The following MECOM variants were observed in gnomAD, a reference collection of about 807,000 sequenced individuals.
The protein encoded by MECOM is histone-lysine N-methyltransferase MECOM.
Under a neutral mutation model 116.3 loss-of-function variants are expected in MECOM, and 13 were observed. That is an observed-to-expected ratio of 0.11 (90% CI 0.07 to 0.18). The LOEUF (loss-of-function observed/expected upper bound fraction) is 0.18. Ranked by LOEUF, MECOM falls within the 10% of genes least tolerant of loss-of-function variation. MECOM has a pLI of 1.00. For missense variants in MECOM, 1,299 were observed against 1,509.0 expected (o/e 0.86, Z 2.31); for synonymous variants, 528 against 535.2 (o/e 0.99, Z 0.19).
At chr3:169,127,624 A>G (rs1733302754) in intron 5 of MECOM, among the ~76,000 whole-genome samples, 1 of 152,166 alleles carries the variant, frequency 6.6e-6, no homozygotes, top group African/African-American at 2.4e-5. Context: ...TAATAATATA[A>G]CATTATTTTT....
intron 1 of MECOM, among the ~76,000 whole-genome samples, chr3:169,447,018 A>AT (rs1210124414): frequency 6.6e-6 from 1 of 152,168 alleles, no homozygotes. Context: ...AGGTCTAAGA[A>AT]TTTTTTATGT....
rs140626112 is a variant in MECOM, at chr3:169,512,805, C to T, written c.38-131281G>A. Among the ~76,000 whole-genome samples, 979 of 152,042 alleles carry T rather than the reference C, an allele frequency of 6.4e-3. 13 individuals carry two copies. The highest frequency in any genetic ancestry group is 0.017 in the Middle Eastern group (5 of 292). ...CTCCACAGCATCCCAGCTCCCCCTT[C>T]CCACTTCTTCCTGCAGGGCCATCTC... is the stretch of plus-strand genomic sequence containing the variant. On this transcript the variant is annotated intron_variant, in intron 1 of 16. Coordinates refer to ENST00000651503, the MANE Select transcript of MECOM (RefSeq NM_004991.4).
rs1716985546 is a variant in MECOM at position 169,084,244 on chromosome 3, A to ATAGG, written c.*661_*664dup. 1 of 231,502 alleles carries ATAGG rather than the reference A, an allele frequency of 4.3e-6. No individual in the cohort carries two copies. Among genetic ancestry groups the ATAGG allele is most frequent in the East Asian group, 6.1e-5 (1 of 16,332 alleles). The allele number at this position is 231,502 out of a possible 1,614,324, so 14.3% of individuals were successfully genotyped here. The stretch of plus-strand genomic sequence containing the variant: ...AGTGGTACAGCGGTACTGGTGATGA[A>ATAGG]TAGGTTACTTCACTGACTTAACCTC... On this transcript the variant is annotated 3_prime_UTR_variant, in exon 17 of 17. Coordinates refer to ENST00000651503, the MANE Select transcript of MECOM (RefSeq NM_004991.4).
chr3:169,554,012 C>T (rs1391430707), intron 1 of MECOM, among the ~76,000 whole-genome samples: 1 of 152,096 alleles, frequency 6.6e-6, no homozygotes, highest in Non-Finnish European at 1.5e-5. Flanking sequence ...ACAATTCAGT[C>T]CTAACACTAC....
rs117792599 is a variant in MECOM, at chr3:169,242,265, C to T, written c.376-98433G>A. ...CTCCACAAATTCCTGACTCTCAATC[C>T]TGAGAGTCCTGTCACAGGACTGCCT... On this transcript the variant is annotated intron_variant, in intron 2 of 16. Coordinates refer to ENST00000651503, the MANE Select transcript of MECOM (RefSeq NM_004991.4). Among the ~76,000 whole-genome samples the T allele has an allele frequency of 8.1e-4, 124 of 152,246 alleles. 3 individuals carry two copies. The East Asian group carries it at 0.023, about 28-fold the overall frequency.
chr3:169,391,071 C>T (rs1222717625), intron 1 of MECOM, among the ~76,000 whole-genome samples: 1 of 152,086 alleles, frequency 6.6e-6, no homozygotes, highest in Non-Finnish European at 1.5e-5. Flanking sequence ...AGCCAGGAGT[C>T]TTACATAAAG....
intron 2 of MECOM, among the ~76,000 whole-genome samples, chr3:169,252,668 T>C (rs758396870): frequency 6.6e-5 from 10 of 152,092 alleles, no homozygotes; most frequent in Non-Finnish European, 1.5e-4. Context: ...ACACCAAACC[T>C]GTTAGAATAT....
intron 2 of MECOM, among the ~76,000 whole-genome samples, chr3:169,272,895 A>C (rs1249264513): frequency 6.6e-6 from 1 of 152,190 alleles, no homozygotes; most frequent in African/African-American, 2.4e-5. Context: ...ACCTCACCAC[A>C]TCTGGTGAGG....
intron 2 of MECOM, among the ~76,000 whole-genome samples, chr3:169,340,906 T>C (rs1356778881): frequency 6.6e-6 from 1 of 152,178 alleles, no homozygotes; most frequent in East Asian, 1.9e-4. Flanking sequence ...GAAATAGATA[T>C]GAGCTGTGTC....
chr3:169,107,593 T>C (rs1323945833), intron 10 of MECOM, among the ~76,000 whole-genome samples: 1 of 152,202 alleles, frequency 6.6e-6, no homozygotes, highest in Non-Finnish European at 1.5e-5. Context: ...CTCCACCAAA[T>C]AATGGTTGTT....
rs368471298 is a variant in MECOM at position 169,246,762 on chromosome 3, C to T, written c.376-102930G>A. 7.4e-4 allele frequency among the ~76,000 whole-genome samples: 112 copies of T among 152,178 alleles called. 2 individuals are homozygous for T. The South Asian group carries it at 0.018, about 25-fold the overall frequency. On this transcript the variant is annotated intron_variant, in intron 2 of 16. Coordinates refer to ENST00000651503, the MANE Select transcript of MECOM (RefSeq NM_004991.4). ...GTCTGGAACTCCTGACCTCATGATC[C>T]GCCCGCCTTGGCCTCCCAAAGTGCT...
Position 169,161,681 on chromosome 3 carries a change from A to G in MECOM, c.376-17849T>C, listed in dbSNP as rs557191505. ...TTCAAAAAGTGGTCTAATTCTCCTC[A>G]TGTTGAATATAAGCTGAGCTTAGTG... is the stretch of plus-strand genomic sequence containing the variant. On this transcript the variant is annotated intron_variant, in intron 2 of 16. Coordinates refer to ENST00000651503, the MANE Select transcript of MECOM (RefSeq NM_004991.4). Among the ~76,000 whole-genome samples, 113 of 152,266 alleles carry G rather than the reference A, an allele frequency of 7.4e-4. 1 individual carries two copies. Among genetic ancestry groups the G allele is most frequent in the African/African-American group, 2.6e-3 (106 of 41,562 alleles).
At chr3:169,272,398 G>A (rs184414742) in intron 2 of MECOM, among the ~76,000 whole-genome samples, 1 of 152,118 alleles carries the variant, frequency 6.6e-6, no homozygotes, top group African/African-American at 2.4e-5. Context: ...AGCCCTCTCA[G>A]TGCACCACAC....
chr3:169,283,736 T>A (rs1712671759), intron 2 of MECOM, among the ~76,000 whole-genome samples: 1 of 152,208 alleles, frequency 6.6e-6, no homozygotes, highest in Non-Finnish European at 1.5e-5. Context: ...TGCCCACAAT[T>A]CATTGAAAAA....
chr3:169,162,254 A>C (rs1292312789), intron 2 of MECOM, among the ~76,000 whole-genome samples: 1 of 152,118 alleles, frequency 6.6e-6, no homozygotes, highest in Non-Finnish European at 1.5e-5. Flanking sequence ...AAATTACCAA[A>C]CCAAACATGC....
chr3:169,085,736 T>G (rs1045471808), intron 16 of MECOM, among the ~76,000 whole-genome samples: 6 of 152,186 alleles, frequency 3.9e-5, no homozygotes, highest in Admixed American at 2.6e-4. Flanking sequence ...TTCCAGTGTC[T>G]GCTGAGCAGA....
intron 2 of MECOM, among the ~76,000 whole-genome samples, chr3:169,311,683 C>CTT (rs11476124): frequency 1.5e-4 from 22 of 150,332 alleles, no homozygotes; most frequent in South Asian, 1.1e-3. Flanking sequence ...ACATTTTACT[C>CTT]TTTTTTTTTT....
intron 4 of MECOM, among the ~76,000 whole-genome samples, chr3:169,129,009 T>G (rs1172368551): frequency 1.3e-5 from 2 of 152,040 alleles, no homozygotes. Context: ...TAATCCCTCT[T>G]TTATAGACCT....
chr3:169,621,496 C>T (rs1770717479), intron 1 of MECOM, among the ~76,000 whole-genome samples: 1 of 152,186 alleles, frequency 6.6e-6, no homozygotes, highest in Admixed American at 6.5e-5. Flanking sequence ...GTGGCTCACA[C>T]CTGTAATCCC....
Sources: gnomAD v4.1 joint callset for allele counts (sites outside exome capture counted in the v4.1 genomes callset) on GRCh38, gnomAD v4.1.1 for gene constraint, MANE v1.5 for transcripts, NCBI Gene and HGNC (gene_info 2026-07-23, HGNC 2026-07-21) for gene names.